The following ENPEP variants were observed in gnomAD, a reference collection of about 807,000 sequenced individuals.
ENPEP encodes glutamyl aminopeptidase.
In ENPEP, 103 loss-of-function variants were observed where a neutral mutation model predicts 114.5. That is an observed-to-expected ratio of 0.90 (90% CI 0.77 to 1.06). The LOEUF (loss-of-function observed/expected upper bound fraction) is 1.06, where lower values mean the gene tolerates loss of function less well. Ranked by LOEUF, ENPEP falls within the 50% of genes least tolerant of loss-of-function variation. ENPEP has a pLI of 0.00. For synonymous variants in ENPEP, 420 were observed against 422.0 expected, an observed-to-expected ratio of 1.00 and a Z score of 0.06; for missense variants, 1,196 against 1,161.3, an observed-to-expected ratio of 1.03 and a Z score of -0.43.
intron 6 of ENPEP, among the ~76,000 whole-genome samples, chr4:110,511,083 T>C (rs2110354999): frequency 6.6e-6 from 1 of 152,314 alleles, no homozygotes; most frequent in South Asian, 2.1e-4. Context: ...ATTGCATATA[T>C]GAATGTGCAA....
intron 18 of ENPEP, among the ~76,000 whole-genome samples, chr4:110,557,775 G>A (rs1478098135): frequency 6.6e-6 from 1 of 152,080 alleles, no homozygotes; most frequent in African/African-American, 2.4e-5. Flanking sequence ...AAAACATATT[G>A]GCTTTAAATT....
chr4:110,542,684 G>A, intron 11 of ENPEP, 67 bp from the exon 12 acceptor site: 1 of 1,422,186 alleles, frequency 7.0e-7, no homozygotes, highest in East Asian at 2.4e-5. Flanking sequence ...TGCCCTCTGG[G>A]TCTAATTTCT....
intron 1 of ENPEP, among the ~76,000 whole-genome samples, chr4:110,482,688 C>T (rs1302488079): frequency 6.6e-6 from 1 of 152,112 alleles, no homozygotes; most frequent in African/African-American, 2.4e-5. Flanking sequence ...GAGCTATTAT[C>T]CCATTGTCAA....
In ENPEP at chr4:110,564,706, G is replaced by T. The variant is rs1459455313; in HGVS notation, c.*3148G>T. On this transcript the variant is annotated 3_prime_UTR_variant, in exon 20 of 20. Coordinates refer to ENST00000265162, the MANE Select transcript of ENPEP (RefSeq NM_001977.4). ...TAGTAATTGCCCTGGTCTGGAAGAG[G>T]ATTCTATATCCTACCCCATTGTAGT... 6.6e-6 allele frequency: 1 copy of T among 152,130 alleles called. No individual in the cohort carries two copies. The highest frequency in any genetic ancestry group is 1.9e-4 in the East Asian group (1 of 5,184). The allele number at this position is 152,130 out of a possible 1,614,324, so 9.4% of individuals were successfully genotyped here.
At chr4:110,507,803 C>G (rs1725425876) in intron 4 of ENPEP, among the ~76,000 whole-genome samples, 1 of 152,112 alleles carries the variant, frequency 6.6e-6, no homozygotes, top group Non-Finnish European at 1.5e-5. Context: ...GGTGAAACCC[C>G]ATCGCTACAA....
At chr4:110,542,720 G>A (rs765201775) in intron 11 of ENPEP, 31 bp from the exon 12 acceptor site, 8 of 1,578,796 alleles carry the variant, frequency 5.1e-6, no homozygotes, top group Non-Finnish European at 6.0e-6. Flanking sequence ...ATGCAAACAT[G>A]TTGCTCATTA....
At chr4:110,508,206 C>T (rs896322546) in intron 4 of ENPEP, among the ~76,000 whole-genome samples, 3 of 139,446 alleles carry the variant, frequency 2.2e-5, no homozygotes, top group East Asian at 4.3e-4. Context: ...GTGACTTCTG[C>T]ATTTATTAGA....
intron 8 of ENPEP, among the ~76,000 whole-genome samples, chr4:110,516,801 A>G (rs536845440): frequency 1.8e-4 from 27 of 152,312 alleles, no homozygotes; most frequent in African/African-American, 6.3e-4. Flanking sequence ...CCCTTTGTCT[A>G]TTAGTAAAAT....
In ENPEP at chr4:110,540,544, A is replaced by G. The variant is rs558584221; in HGVS notation, c.1808-2207A>G. ...ACAACTGAACAGTATTTTGCTATTG[A>G]CAACTGTTCCAAAAGTAGCATGAAC... is the stretch of plus-strand genomic sequence containing the variant. On this transcript the variant is annotated intron_variant, in intron 11 of 19. Transcript: ENST00000265162. 5.9e-5 allele frequency among the ~76,000 whole-genome samples: 9 copies of G among 152,266 alleles called. No homozygotes were observed. In the South Asian group the frequency reaches 1.9e-3, roughly 32 times the overall value.
chr4:110,558,286 A>G (rs958517535), intron 18 of ENPEP, among the ~76,000 whole-genome samples: 4 of 147,014 alleles, frequency 2.7e-5, no homozygotes, highest in African/African-American at 4.9e-5. Context: ...ATATATATAT[A>G]TATATATAAA....
At chr4:110,543,188 C>T (rs1726919361) in intron 13 of ENPEP, 118 bp downstream of exon 13, 1 of 945,078 alleles carries the variant, frequency 1.1e-6, no homozygotes, top group Non-Finnish European at 1.6e-6. Flanking sequence ...TCCAAAGCCA[C>T]TATTTAAAAC....
intron 1 of ENPEP, among the ~76,000 whole-genome samples, chr4:110,487,462 C>T (rs193216292): frequency 3.3e-5 from 5 of 152,252 alleles, no homozygotes; most frequent in African/African-American, 4.8e-5. Context: ...TTTGCAAAGG[C>T]GGTTTCATAC....
At chr4:110,499,125 T>C (rs1179819732) in intron 3 of ENPEP, among the ~76,000 whole-genome samples, 1 of 152,318 alleles carries the variant, frequency 6.6e-6, no homozygotes, top group South Asian at 2.1e-4. Flanking sequence ...TTACTGGCAA[T>C]GTGGACACCA....
intron 10 of ENPEP, among the ~76,000 whole-genome samples, chr4:110,524,511 C>A (rs1730211567): frequency 6.6e-6 from 1 of 152,122 alleles, no homozygotes; most frequent in South Asian, 2.1e-4. Flanking sequence ...TTTCAAAATA[C>A]AAACACCACC....
At chr4:110,485,505 A>G (rs1450888787) in intron 1 of ENPEP, among the ~76,000 whole-genome samples, 1 of 152,194 alleles carries the variant, frequency 6.6e-6, no homozygotes, top group Non-Finnish European at 1.5e-5. Context: ...TAAAATAAAC[A>G]TAGTACAGTC....
In ENPEP at chr4:110,476,562, G is replaced by T; in HGVS notation, c.148G>T (p.Gly50Trp). Reference sequence around the variant, plus strand: ...ATCGTGTGACTCCAGCGGGGACGGCGGGCCGGGCACTGCGCCAGCTCCTTC... The same window carrying T: ...ATCGTGTGACTCCAGCGGGGACGGCTGGCCGGGCACTGCGCCAGCTCCTTC... ...TRSCDSSGDG[G>W]PGTAPAPSHL... Residue 50 changes from glycine (G) to tryptophan (W), a missense_variant, in exon 1 of 20, where the codon GGG (glycine) becomes TGG (tryptophan). By Grantham distance (184) the Gly-to-Trp change is radical. Transcript: ENST00000265162. 2.5e-6 allele frequency: 4 copies of T among 1,613,152 alleles called. No homozygotes were observed. The highest frequency in any genetic ancestry group is 3.4e-6 in the Non-Finnish European group (4 of 1,179,304).
rs1472386680 is a variant in ENPEP, at chr4:110,506,770, T to A, written c.1039+13T>A. The stretch of plus-strand genomic sequence containing the variant: ...CTTCCTAAATTAGGTGAGGATCATT[T>A]TTTAATTTTCTTATTTTTAATATTG... On this transcript the variant is annotated intron_variant, in intron 4 of 19. Transcript: ENST00000265162. The A allele has an allele frequency of 2.0e-6, 3 of 1,506,054 alleles. No individual in the cohort carries two copies. Among genetic ancestry groups the A allele is most frequent in the Non-Finnish European group, 2.7e-6 (3 of 1,107,604 alleles). 93.3% of individuals were successfully genotyped at this position (1,506,054 alleles called of 1,614,324 possible). A position where few individuals can be genotyped will look rare whatever the true frequency, so the allele number is the denominator to read the frequency against.
chr4:110,514,678 C>G (rs1725693979), intron 7 of ENPEP, among the ~76,000 whole-genome samples: 1 of 138,706 alleles, frequency 7.2e-6, no homozygotes, highest in Non-Finnish European at 1.6e-5. Context: ...TAATAACTTA[C>G]AATAAAAATT....
chr4:110,533,678 GA>G (rs112618320), intron 11 of ENPEP, among the ~76,000 whole-genome samples: 212 of 152,300 alleles, frequency 1.4e-3, no homozygotes, highest in African/African-American at 4.9e-3. Flanking sequence ...GCTCTGGACA[GA>G]AGCATGACTG....
Sources: allele counts gnomAD v4.1 joint callset (sites outside exome capture counted in the v4.1 genomes callset), GRCh38; gene constraint gnomAD v4.1.1; transcripts MANE v1.5; gene names NCBI Gene and HGNC (gene_info 2026-07-23, HGNC 2026-07-21).